KIAA1217: variants seen among roughly 807,000 people sequenced by gnomAD.
The protein encoded by KIAA1217 is KIAA1217.
KIAA1217 carries 88 observed loss-of-function variants against 163.9 expected under a neutral mutation model. The ratio of observed to expected loss-of-function variants is 0.54; its 90% CI spans 0.45 to 0.64. KIAA1217 has a LOEUF of 0.64. Among genes scored for constraint, KIAA1217 ranks in the 30% least tolerant of loss-of-function variants. The pLI is 0.00. For synonymous variants in KIAA1217, 903 were observed against 923.1 expected (o/e 0.98, Z 0.39); for missense variants, 2,372 against 2,475.0 (o/e 0.96, Z 0.88).
At chr10:23,810,010 T>C (rs2050487) in intron 1 of KIAA1217, among the ~76,000 whole-genome samples, 31,675 of 151,858 alleles carry the variant, frequency 0.21, 3,452 homozygotes, top group Middle Eastern at 0.29. Flanking sequence ...AACACTTTAT[T>C]ATAAAATCAG....
intron 2 of KIAA1217, among the ~76,000 whole-genome samples, chr10:24,293,031 T>G (rs1413785179): frequency 6.6e-6 from 1 of 152,028 alleles, no homozygotes; most frequent in East Asian, 1.9e-4. Context: ...CTCGGGAAGT[T>G]GTTTTTTGTT....
At chr10:24,426,045 C>T (rs150492168) in intron 3 of KIAA1217, among the ~76,000 whole-genome samples, 266 of 152,300 alleles carry the variant, frequency 1.7e-3, no homozygotes, top group African/African-American at 6.1e-3. Context: ...ACTGGTATTG[C>T]AGATGGTGAT....
At chr10:24,075,125 C>T (rs1160129841) in intron 2 of KIAA1217, among the ~76,000 whole-genome samples, 3 of 117,292 alleles carry the variant, frequency 2.6e-5, no homozygotes, top group African/African-American at 6.7e-5. Context: ...TAAATACACA[C>T]ACACACACAC....
intron 5 of KIAA1217, among the ~76,000 whole-genome samples, chr10:24,469,129 C>T (rs200128439): frequency 7.6e-6 from 1 of 130,766 alleles, no homozygotes; most frequent in African/African-American, 2.6e-5. Flanking sequence ...TTTTATTTTA[C>T]TTTATTTTAT....
chr10:23,850,221 G>T (rs1261298104), intron 1 of KIAA1217, among the ~76,000 whole-genome samples: 2 of 152,070 alleles, frequency 1.3e-5, no homozygotes, highest in Non-Finnish European at 2.9e-5. Flanking sequence ...TCACTCCATG[G>T]TTAACATCTT....
intron 1 of KIAA1217, among the ~76,000 whole-genome samples, chr10:23,790,649 G>T (rs1203469021): frequency 1.5e-5 from 2 of 133,540 alleles, no homozygotes; most frequent in Non-Finnish European, 3.0e-5. Flanking sequence ...GTATACATAT[G>T]TGTATATATA....
At chr10:24,147,832 C>CAAAAAAAAAAAAAAA (rs1176106711) in intron 2 of KIAA1217, among the ~76,000 whole-genome samples, 29 of 20,772 alleles carry the variant, frequency 1.4e-3, no homozygotes, top group East Asian at 7.9e-3. Context: ...TACTCTGTCT[C>CAAAAAAAAAAAAAAA]AAAAAAAAAA....
In KIAA1217 at chr10:24,126,156, C is replaced by A. The variant is rs117422487; in HGVS notation, c.-170-93470C>A. ...TTCTCTTTCAGAAATTTATATTAAACGTGTTGAATTTTTTGTTTGTTTTAT... is the reference window on the plus strand; with the variant it reads ...TTCTCTTTCAGAAATTTATATTAAAAGTGTTGAATTTTTTGTTTGTTTTAT... On this transcript the variant is annotated intron_variant, in intron 2 of 18. Transcript: ENST00000376462. 5.3e-5 allele frequency among the ~76,000 whole-genome samples: 8 copies of A among 152,096 alleles called. No individual in the cohort carries two copies. In the East Asian group the frequency reaches 9.7e-4, roughly 18 times the overall value.
chr10:24,060,065 G>GA (rs960251750), intron 2 of KIAA1217, among the ~76,000 whole-genome samples: 2 of 151,936 alleles, frequency 1.3e-5, no homozygotes, highest in African/African-American at 2.4e-5. Context: ...GATTGTCTTT[G>GA]AGTCTTCTCT....
chr10:23,918,169 TTTA>T (rs199555199), intron 1 of KIAA1217, among the ~76,000 whole-genome samples: 2,535 of 150,546 alleles, frequency 0.017, 45 homozygotes, highest in Admixed American at 0.053. Flanking sequence ...TTTTTTTTTT[TTTA>T]AAGAGATAGG....
chr10:24,044,143 T>C (rs1848818042), intron 2 of KIAA1217, among the ~76,000 whole-genome samples: 1 of 152,172 alleles, frequency 6.6e-6, no homozygotes, highest in Non-Finnish European at 1.5e-5. Context: ...TGTTTGTTTT[T>C]ATTCTTTAAT....
chr10:24,214,634 A>G (rs1324511426), intron 1 of KIAA1217, among the ~76,000 whole-genome samples: 1 of 152,138 alleles, frequency 6.6e-6, no homozygotes, highest in Non-Finnish European at 1.5e-5. Context: ...TTCTGGTCGA[A>G]CACATAGGGC....
At chr10:24,206,013 C>T (rs139643131), upstream of KIAA1217, among the ~76,000 whole-genome samples, 1 of 152,292 alleles carries the variant, frequency 6.6e-6, no homozygotes, top group African/African-American at 2.4e-5. Flanking sequence ...ACTCTTTTAT[C>T]TCGTCACTTG....
chr10:24,311,915 G>A (rs542885198), intron 2 of KIAA1217, among the ~76,000 whole-genome samples: 2 of 151,954 alleles, frequency 1.3e-5, no homozygotes, highest in South Asian at 2.1e-4. Context: ...GAGTATAGCT[G>A]GCTTTTTTGT....
chr10:23,920,854 G>A (rs1842824474), intron 1 of KIAA1217, among the ~76,000 whole-genome samples: 1 of 152,152 alleles, frequency 6.6e-6, no homozygotes, highest in South Asian at 2.1e-4. Flanking sequence ...ACAGTGAGAG[G>A]TAATTGAATC....
At chr10:23,833,971 T>C (rs1159319536) in intron 1 of KIAA1217, among the ~76,000 whole-genome samples, 1 of 152,172 alleles carries the variant, frequency 6.6e-6, no homozygotes, top group African/African-American at 2.4e-5. Flanking sequence ...ATAGTTTATA[T>C]GGATTTCATG....
intron 1 of KIAA1217, among the ~76,000 whole-genome samples, chr10:23,719,441 T>C (rs1032220486): frequency 5.9e-5 from 9 of 151,956 alleles, no homozygotes; most frequent in Non-Finnish European, 1.3e-4. Flanking sequence ...ATTAGCTAGG[T>C]GTGGTGGCAC....
At chr10:23,712,874 A>G (rs1837345190) in intron 1 of KIAA1217, among the ~76,000 whole-genome samples, 2 of 152,150 alleles carry the variant, frequency 1.3e-5, no homozygotes, top group African/African-American at 4.8e-5. Flanking sequence ...GTATTTTTAG[A>G]AGATTTTCAT....
rs1334465173 is a variant in KIAA1217, at chr10:24,544,433, T to C, written c.5163T>C (p.Gly1721=). Residue 1721 remains glycine, a synonymous_variant, in exon 19 of 21, where the codon GGT becomes GGC. Coordinates refer to ENST00000376454, the MANE Select transcript of KIAA1217 (RefSeq NM_019590.5). ...SPRPLLVPDE[G]PTALEPPTSI... is the part of the protein sequence containing the mutation. ...GACCCTTGCTAGTTCCGGATGAAGGTCCCACTGCCCTAGAGCCCCCTACGT... is the reference window on the plus strand; with the variant it reads ...GACCCTTGCTAGTTCCGGATGAAGGCCCCACTGCCCTAGAGCCCCCTACGT... The C allele has an allele frequency of 6.2e-7, 1 of 1,614,038 alleles. No individual in the cohort carries two copies. The highest frequency in any genetic ancestry group is 8.5e-7 in the Non-Finnish European group (1 of 1,179,984).
Sources: gnomAD v4.1 joint callset for allele counts (sites outside exome capture counted in the v4.1 genomes callset) on GRCh38, gnomAD v4.1.1 for gene constraint, MANE v1.5 for transcripts, NCBI Gene and HGNC (gene_info 2026-07-23, HGNC 2026-07-21) for gene names.